The following MGAT4D variants were observed in gnomAD, a reference collection of about 807,000 sequenced individuals.
MGAT4D encodes the protein alpha-1,3-mannosyl-glycoprotein 4-beta-N-acetylglucosaminyltransferase-like protein MGAT4D.
In MGAT4D, 34 loss-of-function variants were observed where a neutral mutation model predicts 15.9. That is an observed-to-expected ratio of 2.14 (90% CI 1.62 to 2.84). MGAT4D has a LOEUF of 2.84. MGAT4D is among the 30% of genes most tolerant of loss of function. The probability of loss-of-function intolerance (pLI) is 0.00; values close to 1 mark genes in which losing one functional copy is unlikely to be tolerated. For synonymous variants in MGAT4D, 112 were observed against 48.2 expected (o/e 2.33, Z -5.49); for missense variants, 327 against 140.2 (o/e 2.33, Z -6.73).
At chr4:140,486,656 C>G (rs1733155891) in intron 1 of MGAT4D, among the ~76,000 whole-genome samples, 1 of 152,164 alleles carries the variant, frequency 6.6e-6, no homozygotes. Context: ...CATTTTACTA[C>G]TAAATTCCAA....
At chr4:140,455,389 T>C (rs530706994) in intron 9 of MGAT4D, among the ~76,000 whole-genome samples, 9 of 152,354 alleles carry the variant, frequency 5.9e-5, no homozygotes, top group African/African-American at 2.2e-4. Flanking sequence ...ATCTTTATGT[T>C]GTTGATTTCT....
chr4:140,445,202 A>G (rs1307868430), intron 10 of MGAT4D, among the ~76,000 whole-genome samples: 3 of 151,940 alleles, frequency 2.0e-5, no homozygotes. Flanking sequence ...TTGACTTTTT[A>G]ATGATAGCCA....
In MGAT4D at chr4:140,479,500, C is replaced by G. The variant is rs1315519984; in HGVS notation, c.381G>C (p.Gly127=). 2.0e-6 allele frequency: 1 copy of G among 490,566 alleles called. No homozygotes were observed. Among genetic ancestry groups the G allele is most frequent in the Admixed American group, 4.0e-5 (1 of 24,998 alleles). The allele number at this position is 490,566 out of a possible 1,614,324, so 30.4% of individuals were successfully genotyped here. Residue 127 remains glycine (G), a synonymous_variant, in exon 3 of 11, where the codon GGG becomes GGC. Coordinates refer to ENST00000511113, the MANE Select transcript of MGAT4D (RefSeq NM_001277353.2). ...TCTAAGTTTTCTTACCACCAGTTTTCCCTTTGCCAATGATTACATCAGGAT... is the reference window on the plus strand; with the variant it reads ...TCTAAGTTTTCTTACCACCAGTTTTGCCTTTGCCAATGATTACATCAGGAT... ...RIYPDVIIGK[G]KTGVSFALGI...
chr4:140,480,345 C>A (rs1732618861), intron 2 of MGAT4D, among the ~76,000 whole-genome samples: 1 of 151,858 alleles, frequency 6.6e-6, no homozygotes, highest in Non-Finnish European at 1.5e-5. Flanking sequence ...TAAAAATGTT[C>A]ATAGACATAA....
intron 1 of MGAT4D, among the ~76,000 whole-genome samples, chr4:140,489,130 A>G (rs1316753604): frequency 6.6e-6 from 1 of 152,184 alleles, no homozygotes; most frequent in Non-Finnish European, 1.5e-5. Flanking sequence ...AGAAGGGCAA[A>G]AGGTATAATG....
chr4:140,445,321 A>G (rs1407218224), intron 10 of MGAT4D, among the ~76,000 whole-genome samples: 1 of 151,938 alleles, frequency 6.6e-6, no homozygotes, highest in Non-Finnish European at 1.5e-5. Flanking sequence ...GGCTGCATGT[A>G]TGTCTTCTTT....
At chr4:140,484,806 C>T (rs1264399510) in intron 1 of MGAT4D, among the ~76,000 whole-genome samples, 3 of 152,190 alleles carry the variant, frequency 2.0e-5, no homozygotes, top group Non-Finnish European at 4.4e-5. Context: ...AAAAAATGCT[C>T]ATCATTACTG....
At chr4:140,496,819 A>C (rs1733868074) in intron 1 of MGAT4D, among the ~76,000 whole-genome samples, 1 of 151,722 alleles carries the variant, frequency 6.6e-6, no homozygotes, top group East Asian at 1.9e-4. Flanking sequence ...CTGGGCAACA[A>C]GAGTGAAAAC....
intron 10 of MGAT4D, among the ~76,000 whole-genome samples, chr4:140,444,296 T>C (rs1218106080): frequency 6.6e-6 from 1 of 152,124 alleles, no homozygotes; most frequent in Non-Finnish European, 1.5e-5. Flanking sequence ...GGGGGTTTGG[T>C]GTACAGCTTA....
intron 6 of MGAT4D, among the ~76,000 whole-genome samples, chr4:140,463,606 A>T (rs563372566): frequency 6.6e-6 from 1 of 152,296 alleles, no homozygotes; most frequent in African/African-American, 2.4e-5. Flanking sequence ...ACCCAAGGTC[A>T]TTCTTGCCCT....
At chr4:140,474,792 C>G (rs1394453152) in intron 4 of MGAT4D, 21 bp downstream of exon 4, 14 of 635,518 alleles carry the variant, frequency 2.2e-5, no homozygotes, top group Non-Finnish European at 3.1e-5. Context: ...ATAAGGAGAG[C>G]TCCTTATTTT....
rs1560810070 is a variant in MGAT4D at position 140,498,175 on chromosome 4, CGCGACG to C, written c.42_47del (p.Val15_Ala16del). 3 of 702,682 alleles carry C rather than the reference CGCGACG, an allele frequency of 4.3e-6. No individual in the cohort carries two copies. Among genetic ancestry groups the C allele is most frequent in the Middle Eastern group, 2.3e-4 (1 of 4,370 alleles). 43.5% of individuals were successfully genotyped at this position (702,682 alleles called of 1,614,324 possible). A position where few individuals can be genotyped will look rare whatever the true frequency, so the allele number is the denominator to read the frequency against. ...TGGAGAAGCAAGAGAAGCTGAACAA[CGCGACG>C]GCGACCAGGGTGATCAGCAAGTTCA... On this transcript the variant is annotated inframe_deletion, in exon 1 of 11. Transcript: ENST00000511113.
At chr4:140,494,557 C>T (rs2126884543) in intron 1 of MGAT4D, among the ~76,000 whole-genome samples, 1 of 152,270 alleles carries the variant, frequency 6.6e-6, no homozygotes, top group South Asian at 2.1e-4. Context: ...ACTGATATAT[C>T]CAACTGCCTA....
intron 5 of MGAT4D, 54 bp downstream of exon 5, chr4:140,471,721 A>G: frequency 2.6e-6 from 1 of 388,894 alleles, no homozygotes; most frequent in African/African-American, 2.1e-5. Context: ...CAGAAAAAAT[A>G]AGATAGAAAA....
At chr4:140,471,084 G>A (rs1423338406) in intron 5 of MGAT4D, among the ~76,000 whole-genome samples, 1 of 152,016 alleles carries the variant, frequency 6.6e-6, no homozygotes. Context: ...TAGAGACGGG[G>A]TTTGGCCATG....
At chr4:140,479,721 G>A (rs1161897961) in intron 2 of MGAT4D, 94 bp from the exon 3 acceptor site, 3 of 353,908 alleles carry the variant, frequency 8.5e-6, no homozygotes, top group African/African-American at 4.2e-5. Context: ...TAAACTCACA[G>A]ATTAATTTGG....
chr4:140,478,074 C>G (rs1044888889), intron 3 of MGAT4D, among the ~76,000 whole-genome samples: 10 of 152,138 alleles, frequency 6.6e-5, no homozygotes, highest in African/African-American at 2.4e-4. Flanking sequence ...GGAACAGAAT[C>G]TTCCTTAAAT....
chr4:140,470,513 T>C (rs1008220538), intron 5 of MGAT4D, among the ~76,000 whole-genome samples: 1 of 152,140 alleles, frequency 6.6e-6, no homozygotes, highest in Non-Finnish European at 1.5e-5. Flanking sequence ...CAGCACAGAG[T>C]GCATATTTCT....
chr4:140,450,526 T>C (rs554168645), intron 10 of MGAT4D, among the ~76,000 whole-genome samples: 1 of 152,350 alleles, frequency 6.6e-6, no homozygotes, highest in African/African-American at 2.4e-5. Flanking sequence ...CCTTGCTTGA[T>C]AGCCAACAGC....
Sources: gnomAD v4.1 joint callset for allele counts (sites outside exome capture counted in the v4.1 genomes callset) on GRCh38, gnomAD v4.1.1 for gene constraint, MANE v1.5 for transcripts, NCBI Gene and HGNC (gene_info 2026-07-23, HGNC 2026-07-21) for gene names.